The following KIAA0513 variants were observed in gnomAD, a reference collection of about 807,000 sequenced individuals.
The protein encoded by KIAA0513 is uncharacterized protein KIAA0513.
A neutral mutation model predicts 56.5 loss-of-function variants in KIAA0513; 39 were observed. The observed-to-expected ratio is 0.69, with a 90% CI of 0.53 to 0.90. The LOEUF (loss-of-function observed/expected upper bound fraction) is 0.90, where lower values mean the gene tolerates loss of function less well. KIAA0513 is among the 40% of genes least tolerant of loss of function. KIAA0513 has a pLI of 0.00. For missense variants in KIAA0513, 591 were observed against 535.2 expected (o/e 1.10, Z -1.03); for synonymous variants, 268 against 215.6 (o/e 1.24, Z -2.13).
At chr16:85,039,903 T>C (rs1034574702) in intron 1 of KIAA0513, among the ~76,000 whole-genome samples, 4 of 151,978 alleles carry the variant, frequency 2.6e-5, no homozygotes, top group African/African-American at 9.7e-5. Context: ...GGCACCATCT[T>C]GGCTCCCTAC....
At chr16:85,063,350 C>T in intron 1 of KIAA0513, 1 of 152,282 alleles carries the variant, frequency 6.6e-6, no homozygotes, top group Middle Eastern at 3.1e-3. Flanking sequence ...ACTGCAGCCT[C>T]CACCTCCCCG....
chr16:85,074,293 CAT>C (rs1175226273), intron 4 of KIAA0513, among the ~76,000 whole-genome samples: 1 of 150,770 alleles, frequency 6.6e-6, no homozygotes, highest in South Asian at 2.1e-4. Context: ...TTTATATATA[CAT>C]ATATATATAC....
chr16:85,077,298 G>A, intron 5 of KIAA0513, 127 bp from the exon 6 acceptor site: 2 of 849,728 alleles, frequency 2.4e-6, no homozygotes, highest in Non-Finnish European at 3.6e-6. Context: ...CCCTGTCCTC[G>A]GCTGAGGAGG....
chr16:85,077,696 G>T, intron 6 of KIAA0513, 64 bp downstream of exon 6: 2 of 1,284,482 alleles, frequency 1.6e-6, no homozygotes, highest in South Asian at 1.4e-5. Context: ...TGTGGAGCTC[G>T]GACGGGGGCA....
chr16:85,044,844 T>G lies in KIAA0513; in HGVS notation c.-173+16986T>G, dbSNP rs530685080. ...TTAAGAAAGAAGGCATTTGGCCGGG[T>G]GTGGTGGCTCACACCTGTAATCCCA... On this transcript the variant is annotated intron_variant, in intron 1 of 12. Coordinates refer to ENST00000683363, the MANE Select transcript of KIAA0513 (RefSeq NM_001388359.1). 2.2e-3 allele frequency among the ~76,000 whole-genome samples: 326 copies of G among 150,836 alleles called. 2 individuals carry two copies. The highest frequency in any genetic ancestry group is 1.6e-3 in the Non-Finnish European group (106 of 67,716).
At chr16:85,087,704 G>A (rs969753574) in intron 12 of KIAA0513, among the ~76,000 whole-genome samples, 3 of 152,206 alleles carry the variant, frequency 2.0e-5, no homozygotes, top group Admixed American at 1.3e-4. Flanking sequence ...TGCCACAGGC[G>A]TTGGTTCTTC....
At chr16:85,031,244 G>A (rs375971629) in intron 1 of KIAA0513, among the ~76,000 whole-genome samples, 1 of 152,156 alleles carries the variant, frequency 6.6e-6, no homozygotes. Context: ...CTTTGTAGGG[G>A]CCAGGGTGGG....
At chr16:85,036,318 C>T (rs2073035957) in intron 1 of KIAA0513, among the ~76,000 whole-genome samples, 1 of 152,146 alleles carries the variant, frequency 6.6e-6, no homozygotes, top group African/African-American at 2.4e-5. Flanking sequence ...ACCCCTTTCC[C>T]ATTTGCAGTC....
rs1044824925 is a variant in KIAA0513, at chr16:85,043,892, C to T, written c.-173+16034C>T. ...TACTAAAAATACAAAATTAGCCGGGCGAGGTGGCGCATGCCTGTAATCCCA... is the reference window on the plus strand; with the variant it reads ...TACTAAAAATACAAAATTAGCCGGGTGAGGTGGCGCATGCCTGTAATCCCA... On this transcript the variant is annotated intron_variant, in intron 1 of 12. Transcript: ENST00000683363. Among the ~76,000 whole-genome samples the T allele has an allele frequency of 2.6e-5, 4 of 152,212 alleles. No homozygotes were observed. In the East Asian group the frequency reaches 7.8e-4, roughly 30 times the overall value.
chr16:85,062,718 A>C (rs1567533763), intron 1 of KIAA0513, among the ~76,000 whole-genome samples: 1 of 152,218 alleles, frequency 6.6e-6, no homozygotes, highest in Non-Finnish European at 1.5e-5. Flanking sequence ...CATTCCTTAG[A>C]AACCTGTAGA....
At chr16:85,054,421 CTTTTTTT>C (rs398042273) in intron 1 of KIAA0513, among the ~76,000 whole-genome samples, 7 of 119,552 alleles carry the variant, frequency 5.9e-5, no homozygotes, top group African/African-American at 9.8e-5. Context: ...TTTTTCTTTT[CTTTTTTT>C]TTTTTTTTTT....
chr16:85,043,026 G>A (rs1033019245), intron 1 of KIAA0513, among the ~76,000 whole-genome samples: 13 of 152,150 alleles, frequency 8.5e-5, no homozygotes, highest in African/African-American at 2.4e-4. Context: ...ACAACTACGA[G>A]CTTTATAAAC....
chr16:85,070,429 A>T (rs1166654833), intron 2 of KIAA0513, among the ~76,000 whole-genome samples: 1 of 152,164 alleles, frequency 6.6e-6, no homozygotes, highest in Non-Finnish European at 1.5e-5. Flanking sequence ...CTGTAATCCC[A>T]GCACTTTGGG....
intron 8 of KIAA0513, 59 bp downstream of exon 8, chr16:85,079,062 C>A: frequency 3.1e-6 from 5 of 1,613,188 alleles, no homozygotes; most frequent in Non-Finnish European, 4.2e-6. Flanking sequence ...GCAGTCACTC[C>A]CCGGGATCAC....
At chr16:85,034,087 G>C (rs183799656) in intron 1 of KIAA0513, among the ~76,000 whole-genome samples, 44 of 152,234 alleles carry the variant, frequency 2.9e-4, no homozygotes, top group African/African-American at 1.0e-3. Context: ...CCCATGTTAA[G>C]AGCTGATGAG....
In KIAA0513 at chr16:85,081,124, G is replaced by C. The variant is rs1425602780; in HGVS notation, c.903-191G>C. On this transcript the variant is annotated intron_variant, in intron 8 of 12. Transcript: ENST00000683363. The surrounding 1 kb of genome is among the most constrained non-coding windows in gnomAD (Gnocchi z 4.4). ...CCTAAGAGATACGCAGCCGCTGGGAGCCCCAGGGAAACAGCTGTAATTAGA... is the reference window on the plus strand; with the variant it reads ...CCTAAGAGATACGCAGCCGCTGGGACCCCCAGGGAAACAGCTGTAATTAGA... Among the ~76,000 whole-genome samples, 6 of 152,192 alleles carry C rather than the reference G, an allele frequency of 3.9e-5. No homozygotes were observed. Among genetic ancestry groups the C allele is most frequent in the African/African-American group, 1.4e-4 (6 of 41,452 alleles).
intron 1 of KIAA0513, among the ~76,000 whole-genome samples, chr16:85,028,202 G>A (rs917685844): frequency 3.9e-5 from 6 of 152,244 alleles, no homozygotes; most frequent in African/African-American, 1.4e-4. Flanking sequence ...CCCCGGGGCA[G>A]ATGGTGGCAG....
chr16:85,064,369 G>A (rs200242638), intron 1 of KIAA0513, among the ~76,000 whole-genome samples: 2 of 152,214 alleles, frequency 1.3e-5, no homozygotes, highest in South Asian at 2.1e-4. Context: ...TATAAATACT[G>A]TTGCAATGAG....
At chr16:85,053,566 A>G (rs1453007661) in intron 1 of KIAA0513, among the ~76,000 whole-genome samples, 5 of 152,234 alleles carry the variant, frequency 3.3e-5, no homozygotes, top group Non-Finnish European at 7.3e-5. Flanking sequence ...CAGCTCAGCT[A>G]TCATGTTTTA....
Sources: allele counts gnomAD v4.1 joint callset (sites outside exome capture counted in the v4.1 genomes callset), GRCh38; gene constraint gnomAD v4.1.1; non-coding constraint Gnocchi (gnomAD v3.1); transcripts MANE v1.5; gene names NCBI Gene and HGNC (gene_info 2026-07-23, HGNC 2026-07-21).